The following KIF17 variants were observed in gnomAD, a reference collection of about 807,000 sequenced individuals.
The protein encoded by KIF17 is kinesin family member 17, also known as kinesin-like protein KIF17.
In KIF17, 80 loss-of-function variants were observed where a neutral mutation model predicts 96.8. The observed-to-expected ratio is 0.83, with a 90% CI of 0.69 to 1.00. KIF17 has a LOEUF of 1.00. Ranked by LOEUF, KIF17 falls within the 50% of genes least tolerant of loss-of-function variation. The pLI, the probability that KIF17 is intolerant of heterozygous loss-of-function variation, is 0.00. For missense variants in KIF17, 1,280 were observed against 1,372.9 expected, an observed-to-expected ratio of 0.93 and a Z score of 1.07; for synonymous variants, 567 against 587.5, an observed-to-expected ratio of 0.97 and a Z score of 0.51.
In KIF17 at chr1:20,669,128, C is replaced by T. The variant is rs1218440026; in HGVS notation, c.2790+1293G>A. Among the ~76,000 whole-genome samples the T allele has an allele frequency of 7.9e-5, 12 of 152,192 alleles. No individual in the cohort carries two copies. In the East Asian group the frequency reaches 2.3e-3, roughly 29 times the overall value. On this transcript the variant is annotated intron_variant, in intron 13 of 14. Coordinates refer to ENST00000400463, the MANE Select transcript of KIF17 (RefSeq NM_001122819.3). The stretch of plus-strand genomic sequence containing the variant: ...TGTCATGGAAGCTGTGCCTGCTGAC[C>T]AGGCCACCCCAAGGGACTGGTGGAC...
chr1:20,670,428 G>A lies in KIF17; in HGVS notation c.2783C>T (p.Pro928Leu), dbSNP rs766746687. Residue 928 changes from proline (P) to leucine (L), a missense_variant, in exon 13 of 15, where the codon CCG becomes CTG. Transcript: ENST00000400463. ...CTCTCCCGCGGTCCTCACCATGTTC[G>A]GCTCGCCATTGTCTGCTGCAGAGGT... ...RKTSAADNGEPNMEDDRYRLM... is the reference protein window; with the variant it reads ...RKTSAADNGELNMEDDRYRLM... 10 of 1,613,834 alleles carry A rather than the reference G, an allele frequency of 6.2e-6. No homozygotes were observed. The highest frequency in any genetic ancestry group is 1.7e-4 in the Middle Eastern group (1 of 6,052).
At chr1:20,703,735 T>A (rs994839021) in intron 5 of KIF17, among the ~76,000 whole-genome samples, 2 of 151,850 alleles carry the variant, frequency 1.3e-5, no homozygotes, top group African/African-American at 4.8e-5. Flanking sequence ...GCGAGGGGGA[T>A]GAATGGACAG....
rs2054400456 is a variant in KIF17 at position 20,709,604 on chromosome 1, T to C, written c.670+35A>G. 5.0e-6 allele frequency: 8 copies of C among 1,611,930 alleles called. No homozygotes were observed. The highest frequency in any genetic ancestry group is 5.9e-6 in the Non-Finnish European group (7 of 1,178,754). On this transcript the variant is annotated intron_variant, in intron 4 of 14. Coordinates refer to ENST00000400463, the MANE Select transcript of KIF17 (RefSeq NM_001122819.3). The surrounding 1 kb of genome is among the most constrained non-coding windows in gnomAD (Gnocchi z 4.7). ...TTGGCTAGTGGGAGTGGCTGGGTCA[T>C]CTGTCCCCCTGCCCCCAACAATGGC...
rs1369695545 is a variant in KIF17, at chr1:20,672,574, T to C, written c.2464-378A>G. On this transcript the variant is annotated intron_variant, in intron 11 of 14. Transcript: ENST00000400463. The surrounding 1 kb of genome is among the most constrained non-coding windows in gnomAD (Gnocchi z 4.3). ...CAGGAGCCTTTGAGAAGTCCCCACA[T>C]CCAACACCACCGTTCTAAAGGATAT... is the stretch of plus-strand genomic sequence containing the variant. 6.6e-6 allele frequency among the ~76,000 whole-genome samples: 1 copy of C among 152,086 alleles called. No homozygotes were observed. The highest frequency in any genetic ancestry group is 1.9e-4 in the East Asian group (1 of 5,200).
chr1:20,678,681 G>C (rs2154535492), intron 11 of KIF17, among the ~76,000 whole-genome samples: 1 of 152,272 alleles, frequency 6.6e-6, no homozygotes, highest in South Asian at 2.1e-4. Flanking sequence ...AGAGCATCCA[G>C]GACAGCATGG....
chr1:20,701,061 T>G (rs1453454546), intron 5 of KIF17, among the ~76,000 whole-genome samples: 3 of 152,168 alleles, frequency 2.0e-5, no homozygotes, highest in African/African-American at 7.2e-5. Context: ...ACCCCGGGTT[T>G]CCAGGAGCAC....
chr1:20,682,720 T>A lies in KIF17; in HGVS notation c.2396A>T (p.Asn799Ile). Residue 799 changes from asparagine (N) to isoleucine (I), a missense_variant, in exon 11 of 15, where the codon AAC becomes ATC. Asn to Ile is a moderately radical substitution (Grantham distance 149). Coordinates refer to ENST00000400463, the MANE Select transcript of KIF17 (RefSeq NM_001122819.3). ...DEDSGDWVLLNVYDSIQEEVR... is the reference protein window; with the variant it reads ...DEDSGDWVLLIVYDSIQEEVR... ...TTCCTCCTGGATGGAGTCGTAGACG[T>A]TAAGCAGCACCCAGTCCCCGCTGTC... The A allele has an allele frequency of 6.2e-7, 1 of 1,613,842 alleles. No individual in the cohort carries two copies. The highest frequency in any genetic ancestry group is 1.7e-5 in the Admixed American group (1 of 60,022).
At position 20,682,801 on chromosome 1, in the gene KIF17, C is replaced by A; in HGVS notation, c.2315G>T (p.Arg772Leu). The part of the protein sequence containing the change: ...DLKEKHKRRK[R>L]YADERRKQLV... ...CTGCTTCCTGCGCTCGTCTGCGTAG[C>A]GCTTGCGCCGCTTGTGCTTCTCCTT... Residue 772 changes from arginine to leucine, a missense_variant, in exon 11 of 15, where the codon CGC becomes CTC. Arg to Leu is a moderately radical substitution (Grantham distance 102). Transcript: ENST00000400463. 6.2e-7 allele frequency: 1 copy of A among 1,612,668 alleles called. No individual in the cohort carries two copies. Among genetic ancestry groups the A allele is most frequent in the Non-Finnish European group, 8.5e-7 (1 of 1,180,040 alleles).
chr1:20,683,913 A>G (rs868494649), intron 10 of KIF17, among the ~76,000 whole-genome samples: 3 of 151,644 alleles, frequency 2.0e-5, no homozygotes, highest in Admixed American at 6.6e-5. Flanking sequence ...ACTTCTGTGA[A>G]GGCCCCCCAG....
intron 13 of KIF17, among the ~76,000 whole-genome samples, chr1:20,667,287 C>T (rs538368367): frequency 1.3e-5 from 2 of 152,224 alleles, no homozygotes; most frequent in South Asian, 2.1e-4. Flanking sequence ...GTGAACTGCA[C>T]GTGTGAGGGA....
chr1:20,695,351 C>T (rs2054118326), intron 6 of KIF17, among the ~76,000 whole-genome samples: 1 of 152,164 alleles, frequency 6.6e-6, no homozygotes, highest in African/African-American at 2.4e-5. Context: ...TCACTCCCGA[C>T]TAATTTTTGT....
rs1557606718 is a variant in KIF17 at position 20,712,735 on chromosome 1, TA to T, written c.480+718del. Among the ~76,000 whole-genome samples, 24 of 24,080 alleles carry T rather than the reference TA, an allele frequency of 1.0e-3. 5 individuals carry two copies. Among genetic ancestry groups the T allele is most frequent in the Non-Finnish European group, 1.9e-3 (17 of 8,844 alleles). 15.8% of individuals were successfully genotyped at this position (24,080 alleles called of 152,430 possible). A position where few individuals can be genotyped will look rare whatever the true frequency, so the allele number is the denominator to read the frequency against. On this transcript the variant is annotated intron_variant, in intron 3 of 14. Coordinates refer to ENST00000400463, the MANE Select transcript of KIF17 (RefSeq NM_001122819.3). ...TATATAAAATTATATTATATCTATA[TA>T]TATTATATATATAAAATTATATTAT...
In KIF17 at chr1:20,715,489, G is replaced by C; in HGVS notation, c.378+4C>G. On this transcript the variant is annotated splice_donor_region_variant and intron_variant, in intron 2 of 14. Coordinates refer to ENST00000400463, the MANE Select transcript of KIF17 (RefSeq NM_001122819.3). ...CCTGCCCCTTCCCTCTGCGAGGCCC[G>C]TACCTGGACGCTCTCGAACACGTGC... 9 of 1,612,002 alleles carry C rather than the reference G, an allele frequency of 5.6e-6. No homozygotes were observed. The highest frequency in any genetic ancestry group is 7.6e-6 in the Non-Finnish European group (9 of 1,179,994).
In KIF17 at chr1:20,709,503, T is replaced by C. The variant is rs1425290593; in HGVS notation, c.670+136A>G. 30 of 931,118 alleles carry C rather than the reference T, an allele frequency of 3.2e-5. No individual in the cohort carries two copies. The highest frequency in any genetic ancestry group is 2.1e-4 in the South Asian group (15 of 72,672). 57.7% of individuals were successfully genotyped at this position (931,118 alleles called of 1,614,324 possible). ...GGGTCCCAGCATCCCAAGGGTCCTC[T>C]TGGGTTTCCTCCAGGCTGTTAGAGC... On this transcript the variant is annotated intron_variant, in intron 4 of 14. Transcript: ENST00000400463. This position sits in a 1 kb window ranked among gnomAD's most constrained non-coding sequence, Gnocchi z 4.7.
intron 10 of KIF17, among the ~76,000 whole-genome samples, chr1:20,684,191 C>T (rs982003341): frequency 2.0e-5 from 3 of 152,232 alleles, no homozygotes; most frequent in Non-Finnish European, 4.4e-5. Flanking sequence ...GCCTGTCCTC[C>T]GCCCTGGCCT....
downstream of KIF17, among the ~76,000 whole-genome samples, chr1:20,663,075 T>G (rs556276244): frequency 3.9e-5 from 6 of 152,056 alleles, no homozygotes; most frequent in South Asian, 1.0e-3. Flanking sequence ...TACAAAAAAT[T>G]TAGCCGGGCG....
downstream of KIF17, among the ~76,000 whole-genome samples, chr1:20,662,858 T>G (rs1368825643): frequency 6.6e-6 from 1 of 152,210 alleles, no homozygotes; most frequent in Non-Finnish European, 1.5e-5. Context: ...TTAAACCTCC[T>G]GGGATCTTCT....
rs191857087 is a variant in KIF17, at chr1:20,692,003, G to T, written c.1234-1668C>A. On this transcript the variant is annotated intron_variant, in intron 6 of 14. Transcript: ENST00000400463. ...TGGTTCTCACCTCTGTTCTCACTCT[G>T]GCCCCAACCTCTCTCTGACACAGCC... Among the ~76,000 whole-genome samples, 11 of 152,178 alleles carry T rather than the reference G, an allele frequency of 7.2e-5. No homozygotes were observed. The East Asian group carries it at 2.1e-3, about 29-fold the overall frequency.
chr1:20,710,382 A>G (rs993171966), intron 3 of KIF17, among the ~76,000 whole-genome samples: 3 of 152,126 alleles, frequency 2.0e-5, no homozygotes, highest in Non-Finnish European at 4.4e-5. Context: ...CCCTCAGATC[A>G]CAGGTGAGCC....
Sources: allele counts gnomAD v4.1 joint callset (sites outside exome capture counted in the v4.1 genomes callset), GRCh38; gene constraint gnomAD v4.1.1; non-coding constraint Gnocchi (gnomAD v3.1); transcripts MANE v1.5; gene names NCBI Gene and HGNC (gene_info 2026-07-23, HGNC 2026-07-21).